The following EYA2 variants were observed in gnomAD, a reference collection of about 807,000 sequenced individuals.
EYA2 encodes protein phosphatase EYA2.
Under a neutral mutation model 69.2 loss-of-function variants are expected in EYA2, and 31 were observed. The ratio of observed to expected loss-of-function variants is 0.45; its 90% confidence interval spans 0.34 to 0.60. The LOEUF (loss-of-function observed/expected upper bound fraction) is 0.60, where lower values mean the gene tolerates loss of function less well. EYA2 is among the 20% of genes least tolerant of loss of function. The pLI is 0.02. For synonymous variants in EYA2, 257 were observed against 279.4 expected, an observed-to-expected ratio of 0.92 and a Z score of 0.80; for missense variants, 622 against 701.2, an observed-to-expected ratio of 0.89 and a Z score of 1.28.
intron 10 of EYA2, among the ~76,000 whole-genome samples, chr20:47,166,746 TCTC>T (rs1287918121): frequency 2.0e-5 from 3 of 151,900 alleles, no homozygotes; most frequent in Non-Finnish European, 4.4e-5. Flanking sequence ...GCATCTCGCT[TCTC>T]CTCACCTCAT....
chr20:47,119,173 A>G (rs1365793525), intron 9 of EYA2, among the ~76,000 whole-genome samples: 1 of 152,210 alleles, frequency 6.6e-6, no homozygotes, highest in East Asian at 1.9e-4. Flanking sequence ...TCCCAACAAT[A>G]GTGTTCTTCC....
At chr20:47,169,838 G>A (rs1438079673) in intron 11 of EYA2, among the ~76,000 whole-genome samples, 2 of 152,114 alleles carry the variant, frequency 1.3e-5, no homozygotes, top group African/African-American at 4.8e-5. Flanking sequence ...TCCTCCAGCA[G>A]TCTTCGTAAG....
chr20:47,069,220 T>A (rs1380921141), intron 5 of EYA2, among the ~76,000 whole-genome samples: 1 of 152,112 alleles, frequency 6.6e-6, no homozygotes, highest in Non-Finnish European at 1.5e-5. Context: ...TAGGCCGGGC[T>A]CAGTGGCTCA....
At chr20:46,926,057 G>A (rs1985398295) in intron 1 of EYA2, among the ~76,000 whole-genome samples, 1 of 152,306 alleles carries the variant, frequency 6.6e-6, no homozygotes, top group South Asian at 2.1e-4. Flanking sequence ...AGGTAATATA[G>A]CATGCTACTA....
At chr20:46,898,761 T>G (rs1983943108) in intron 1 of EYA2, among the ~76,000 whole-genome samples, 1 of 152,160 alleles carries the variant, frequency 6.6e-6, no homozygotes, top group Non-Finnish European at 1.5e-5. Context: ...TTATTGTAAA[T>G]GAATCAGAGG....
At chr20:46,990,353 G>C (rs1347805994) in intron 2 of EYA2, among the ~76,000 whole-genome samples, 2 of 152,122 alleles carry the variant, frequency 1.3e-5, no homozygotes, top group African/African-American at 4.8e-5. Flanking sequence ...TCCTTTCTTG[G>C]TCTCCAATTC....
At chr20:47,154,016 A>G (rs1241962953) in intron 10 of EYA2, among the ~76,000 whole-genome samples, 2 of 152,012 alleles carry the variant, frequency 1.3e-5, no homozygotes, top group East Asian at 2.0e-4. Context: ...TCCCCATTAT[A>G]CTAGTCTGCT....
chr20:47,149,568 G>T (rs1388925560), intron 10 of EYA2, among the ~76,000 whole-genome samples: 1 of 151,806 alleles, frequency 6.6e-6, no homozygotes, highest in East Asian at 1.9e-4. Flanking sequence ...TTTGGGCCAG[G>T]CACGATGGCT....
chr20:47,034,714 C>G (rs1174582025), intron 5 of EYA2, among the ~76,000 whole-genome samples: 1 of 152,238 alleles, frequency 6.6e-6, no homozygotes, highest in Non-Finnish European at 1.5e-5. Context: ...GCACCACAAT[C>G]TGGGTCACTT....
intron 5 of EYA2, 108 bp from the exon 6 acceptor site, chr20:47,072,077 G>A: frequency 1.0e-6 from 1 of 1,000,148 alleles, no homozygotes. Flanking sequence ...CTGCCCAGCT[G>A]TCACCCTTGA....
At chr20:47,035,943 C>T (rs547952949) in intron 5 of EYA2, among the ~76,000 whole-genome samples, 1 of 152,038 alleles carries the variant, frequency 6.6e-6, no homozygotes, top group African/African-American at 2.4e-5. Flanking sequence ...CCTGGGCAGT[C>T]GAGGCTGCAG....
Position 47,089,355 on chromosome 20 carries a change from T to A in EYA2, c.778T>A (p.Ser260Thr). 6.2e-7 allele frequency: 1 copy of A among 1,613,976 alleles called. No individual in the cohort carries two copies. Among genetic ancestry groups the A allele is most frequent in the Admixed American group, 1.7e-5 (1 of 59,988 alleles). ...CCGGTCTAAGAGGAGCAGTGACCCGTCCCCGGCAGGGGACAATGAGATTGA... is the reference window on the plus strand; with the variant it reads ...CCGGTCTAAGAGGAGCAGTGACCCGACCCCGGCAGGGGACAATGAGATTGA... ...RGRSKRSSDP[S>T]PAGDNEIERV... Residue 260 changes from serine to threonine, a missense_variant, in exon 8 of 16, where the codon TCC (serine) becomes ACC (threonine). This residue lies in a region of EYA2 where 365 missense variants were observed against 349.7 expected (regional missense o/e 1.04). Transcript: ENST00000327619.
intron 5 of EYA2, among the ~76,000 whole-genome samples, chr20:47,047,342 T>C (rs1308214918): frequency 6.6e-6 from 1 of 151,838 alleles, no homozygotes; most frequent in Non-Finnish European, 1.5e-5. Flanking sequence ...TAAAGTGGGC[T>C]AAGCCTAAGA....
chr20:47,135,126 C>CA (rs11484435), intron 9 of EYA2, among the ~76,000 whole-genome samples: 1,763 of 58,110 alleles, frequency 0.03, 110 homozygotes, highest in African/African-American at 0.072. Flanking sequence ...GACTCCATAT[C>CA]AAAAAAAAAA....
intron 1 of EYA2, among the ~76,000 whole-genome samples, chr20:46,944,935 C>T (rs1332997532): frequency 6.6e-6 from 1 of 152,108 alleles, no homozygotes; most frequent in Non-Finnish European, 1.5e-5. Context: ...AAAACCCCGT[C>T]TCTACAAAAA....
At chr20:47,024,495 C>T (rs753760226) in intron 5 of EYA2, among the ~76,000 whole-genome samples, 2 of 152,204 alleles carry the variant, frequency 1.3e-5, no homozygotes, top group Non-Finnish European at 2.9e-5. Flanking sequence ...TGGGTAGTTT[C>T]CTTACACCCA....
intron 5 of EYA2, among the ~76,000 whole-genome samples, chr20:47,061,260 C>T (rs1237430639): frequency 6.6e-6 from 1 of 152,170 alleles, no homozygotes; most frequent in Non-Finnish European, 1.5e-5. Flanking sequence ...GGCATGCTGG[C>T]TTACGCCTAT....
At chr20:47,040,274 A>G (rs1984982697) in intron 5 of EYA2, among the ~76,000 whole-genome samples, 1 of 152,198 alleles carries the variant, frequency 6.6e-6, no homozygotes, top group Non-Finnish European at 1.5e-5. Context: ...CATTTCATAC[A>G]CACTAGCAGG....
chr20:47,188,049 T>A lies in EYA2; in HGVS notation c.1537-4T>A. ...AACCTTGTGGCTGGTGTTCTGTGTTTCAGCACAACATGCCTTTCTGGCGGA... is the reference window on the plus strand; with the variant it reads ...AACCTTGTGGCTGGTGTTCTGTGTTACAGCACAACATGCCTTTCTGGCGGA... On this transcript the variant is annotated splice_region_variant and splice_polypyrimidine_tract_variant and intron_variant, in intron 15 of 15. Coordinates refer to ENST00000327619, the MANE Select transcript of EYA2 (RefSeq NM_005244.5). The A allele has an allele frequency of 1.3e-6, 2 of 1,562,728 alleles. No homozygotes were observed. Among genetic ancestry groups the A allele is most frequent in the Non-Finnish European group, 1.7e-6 (2 of 1,153,182 alleles).
Sources: allele counts gnomAD v4.1 joint callset (sites outside exome capture counted in the v4.1 genomes callset), GRCh38; gene constraint gnomAD v4.1.1; regional missense constraint gnomAD v4.1.1; transcripts MANE v1.5; gene names NCBI Gene and HGNC (gene_info 2026-07-23, HGNC 2026-07-21).